ADGRV1: variants seen among roughly 807,000 people sequenced by gnomAD.
ADGRV1 encodes the protein adhesion G protein-coupled receptor V1, also known as G-protein coupled receptor 98.
Under a neutral mutation model 596.2 loss-of-function variants are expected in ADGRV1, and 359 were observed. The ratio of observed to expected loss-of-function variants is 0.60; its 90% confidence interval spans 0.55 to 0.66. The LOEUF (loss-of-function observed/expected upper bound fraction) is 0.66. Among genes scored for constraint, ADGRV1 ranks in the 30% least tolerant of loss-of-function variants. ADGRV1 has a pLI of 0.00. For synonymous variants in ADGRV1, 2,681 were observed against 2,679.2 expected (o/e 1.00, Z -0.02); for missense variants, 7,274 against 7,575.6 (o/e 0.96, Z 1.48).
At chr5:90,975,820 TGTGC>T (rs1437961019) in intron 84 of ADGRV1, among the ~76,000 whole-genome samples, 2 of 151,604 alleles carry the variant, frequency 1.3e-5, no homozygotes, top group Admixed American at 1.3e-4. Flanking sequence ...ACCTGCACAT[TGTGC>T]ACATGTACCC....
chr5:90,990,593 C>A (rs935178195), intron 85 of ADGRV1, among the ~76,000 whole-genome samples: 13 of 152,168 alleles, frequency 8.5e-5, no homozygotes, highest in Non-Finnish European at 1.8e-4. Flanking sequence ...TCCTGCTGTG[C>A]GGCCCTATTC....
intron 21 of ADGRV1, among the ~76,000 whole-genome samples, chr5:90,661,428 G>A (rs1770276605): frequency 6.6e-6 from 1 of 152,132 alleles, no homozygotes; most frequent in Non-Finnish European, 1.5e-5. Flanking sequence ...CCTACCATGT[G>A]CTATGTGAAT....
intron 20 of ADGRV1, among the ~76,000 whole-genome samples, chr5:90,657,287 A>T (rs1282155712): frequency 6.6e-6 from 1 of 151,362 alleles, no homozygotes; most frequent in Non-Finnish European, 1.5e-5. Context: ...ACAACAAAAA[A>T]AGCCAGGCCT....
chr5:90,602,779 A>G (rs1302643796), intron 1 of ADGRV1, among the ~76,000 whole-genome samples: 2 of 152,214 alleles, frequency 1.3e-5, no homozygotes, highest in African/African-American at 2.4e-5. Flanking sequence ...GTCAAATTGT[A>G]TTATGCTTTG....
chr5:90,576,807 C>A (rs1277117226), intron 1 of ADGRV1, among the ~76,000 whole-genome samples: 1 of 152,194 alleles, frequency 6.6e-6, no homozygotes, highest in African/African-American at 2.4e-5. Flanking sequence ...GATTGCCATT[C>A]TGACTGGCAT....
chr5:90,580,664 G>GGTA (rs1450590389), intron 1 of ADGRV1, among the ~76,000 whole-genome samples: 1 of 152,164 alleles, frequency 6.6e-6, no homozygotes, highest in Non-Finnish European at 1.5e-5. Context: ...TAGTCCGATG[G>GGTA]ACTTCCCTTT....
At chr5:90,958,355 A>G (rs1420818434) in intron 83 of ADGRV1, among the ~76,000 whole-genome samples, 1 of 152,038 alleles carries the variant, frequency 6.6e-6, no homozygotes, top group Non-Finnish European at 1.5e-5. Flanking sequence ...GATAATTTCA[A>G]TAGGGAAATA....
intron 83 of ADGRV1, among the ~76,000 whole-genome samples, chr5:90,938,969 A>G (rs148241792): frequency 6.6e-6 from 1 of 152,102 alleles, no homozygotes; most frequent in South Asian, 2.1e-4. Flanking sequence ...GTGTTTCTCT[A>G]TTTTCGATAG....
At chr5:90,559,923 A>G (rs766121601) in intron 1 of ADGRV1, among the ~76,000 whole-genome samples, 2 of 152,176 alleles carry the variant, frequency 1.3e-5, no homozygotes, top group African/African-American at 4.8e-5. Flanking sequence ...AGAAAAAATG[A>G]TATCTTAGGC....
At position 90,672,579 on chromosome 5, in the gene ADGRV1, G is replaced by A. The variant is rs371179945; in HGVS notation, c.4786G>A (p.Val1596Ile). 23 of 1,613,700 alleles carry A rather than the reference G, an allele frequency of 1.4e-5. No homozygotes were observed. In the African/African-American group the frequency reaches 1.7e-4, roughly 12 times the overall value. The change falls in exon 22 of 90, where the codon GTT becomes ATT. Residue 1596 changes from valine (V) to isoleucine (I), a missense_variant. Val to Ile is a conservative substitution (Grantham distance 29, BLOSUM62 3). Coordinates refer to ENST00000405460, the MANE Select transcript of ADGRV1 (RefSeq NM_032119.4). ...AEEGSTISCVVERTRGALDYV... is the reference protein window; with the variant it reads ...AEEGSTISCVIERTRGALDYV... ...GGAGGGATCAACCATTTCTTGTGTG[G>A]TTGAGAGAACCAGAGGAGCTCTGGA... is the stretch of plus-strand genomic sequence containing the variant.
In ADGRV1 at chr5:90,703,619, T is replaced by C. The variant is rs374602481; in HGVS notation, c.8156-46T>C. ...GGTTTTGTTGAGTTCAAATGTGAAG[T>C]TTATTTTCCATTAAGTATTTATCAA... On this transcript the variant is annotated intron_variant, in intron 34 of 89. Transcript: ENST00000405460. The C allele has an allele frequency of 1.0e-5, 15 of 1,447,596 alleles. No homozygotes were observed. The African/African-American group carries it at 2.1e-4, about 20-fold the overall frequency. The allele number at this position is 1,447,596 out of a possible 1,614,324, so 89.7% of individuals were successfully genotyped here.
At chr5:90,662,354 C>T (rs530158792) in intron 21 of ADGRV1, among the ~76,000 whole-genome samples, 3 of 151,778 alleles carry the variant, frequency 2.0e-5, no homozygotes, top group Admixed American at 6.6e-5. Context: ...CCACCATGCC[C>T]GGCTAATTTT....
Position 90,985,361 on chromosome 5 carries a change from C to T in ADGRV1, c.17991C>T (p.Tyr5997=), listed in dbSNP as rs368380494. 5.0e-6 allele frequency: 8 copies of T among 1,608,872 alleles called. No individual in the cohort carries two copies. Among genetic ancestry groups the T allele is most frequent in the African/African-American group, 4.0e-5 (3 of 74,794 alleles). Reference sequence around the variant, plus strand: ...TTCCTTAGTCTGTGAATTTCTGGTACGTGCTGGTGATGAATGATGAGCACA... The same window carrying T: ...TTCCTTAGTCTGTGAATTTCTGGTATGTGCTGGTGATGAATGATGAGCACA... ...WMLIQSVNFW[Y]VLVMNDEHTE... is the part of the protein sequence containing the mutation. Residue 5997 remains tyrosine, a synonymous_variant, in exon 85 of 90, where the codon TAC becomes TAT. Coordinates refer to ENST00000405460, the MANE Select transcript of ADGRV1 (RefSeq NM_032119.4).
chr5:90,688,608 G>A (rs1746023276), intron 29 of ADGRV1, among the ~76,000 whole-genome samples: 1 of 152,108 alleles, frequency 6.6e-6, no homozygotes, highest in Non-Finnish European at 1.5e-5. Context: ...GCCCACCTTG[G>A]CCTCCCAAAG....
At chr5:90,799,383 C>A (rs1375378642) in intron 70 of ADGRV1, among the ~76,000 whole-genome samples, 2 of 152,058 alleles carry the variant, frequency 1.3e-5, no homozygotes, top group Non-Finnish European at 2.9e-5. Flanking sequence ...ATGTGAAGGA[C>A]CTTTTCAAGG....
At chr5:91,047,511 G>A (rs754677310) in intron 85 of ADGRV1, among the ~76,000 whole-genome samples, 1 of 152,128 alleles carries the variant, frequency 6.6e-6, no homozygotes, top group African/African-American at 2.4e-5. Context: ...CGGAGGCTAA[G>A]CCAGTCTCAT....
chr5:90,644,818 TG>T lies in ADGRV1; in HGVS notation c.2849del (p.Gly950GlufsTer30). 7 of 1,610,528 alleles carry T rather than the reference TG, an allele frequency of 4.3e-6. No individual in the cohort carries two copies. The highest frequency in any genetic ancestry group is 5.9e-6 in the Non-Finnish European group (7 of 1,178,660). ...TTCCTGTACAAGGGACTGTTGTCTT[TG>T]GAGATCAGGAATTTTCAAAAAATAT... is the stretch of plus-strand genomic sequence containing the variant. ...VFPVQGTVVFGDQEFSKNITI... is the reference protein window; with the variant it reads ...VFPVQGTVVFXDQEFSKNITI... On this transcript the variant is annotated frameshift_variant, in exon 15 of 90. Transcript: ENST00000405460. LOFTEE classifies it high-confidence loss of function.
intron 79 of ADGRV1, 72 bp downstream of exon 79, chr5:90,848,893 G>A (rs966677591): frequency 1.0e-4 from 107 of 1,060,604 alleles, no homozygotes; most frequent in Non-Finnish European, 1.4e-4. Context: ...AATATGTAAT[G>A]CAAAATGACA....
intron 83 of ADGRV1, among the ~76,000 whole-genome samples, chr5:90,911,387 C>A (rs762518766): frequency 2.6e-5 from 4 of 152,130 alleles, no homozygotes; most frequent in Admixed American, 6.5e-5. Context: ...CTAATGTAAA[C>A]ACACTGATCC....
Sources: gnomAD v4.1 joint callset for allele counts (sites outside exome capture counted in the v4.1 genomes callset) on GRCh38, gnomAD v4.1.1 for gene constraint, MANE v1.5 for transcripts, NCBI Gene and HGNC (gene_info 2026-07-23, HGNC 2026-07-21) for gene names.